Variants in USP34 observed in about 807,000 individuals in gnomAD.
USP34 encodes ubiquitin carboxyl-terminal hydrolase 34.
In USP34, 70 loss-of-function variants were observed where a neutral mutation model predicts 460.3. The ratio of observed to expected loss-of-function variants is 0.15; its 90% CI spans 0.13 to 0.19. The LOEUF (loss-of-function observed/expected upper bound fraction) is 0.19. Among genes scored for constraint, USP34 ranks in the 10% least tolerant of loss-of-function variants. The probability of loss-of-function intolerance (pLI) is 1.00; values close to 1 mark genes in which losing one functional copy is unlikely to be tolerated. For synonymous variants in USP34, 1,647 were observed against 1,405.3 expected (o/e 1.17, Z -3.85); for missense variants, 3,985 against 4,236.2 (o/e 0.94, Z 1.65).
chr2:61,452,905 CAAAA>C (rs57925421), intron 1 of USP34, among the ~76,000 whole-genome samples: 1 of 127,134 alleles, frequency 7.9e-6, no homozygotes, highest in Non-Finnish European at 1.7e-5. Context: ...ACCCCACAAC[CAAAA>C]AAAAAAAAAA....
chr2:61,447,254 CAAAAAAAAAAAAAAA>C (rs763711140), intron 1 of USP34, among the ~76,000 whole-genome samples: 9 of 59,674 alleles, frequency 1.5e-4, no homozygotes, highest in East Asian at 7.7e-4. Flanking sequence ...AACTGTCTTC[CAAAAAAAAAAAAAAA>C]AAAAAAAAAA....
intron 41 of USP34, among the ~76,000 whole-genome samples, chr2:61,272,437 A>T (rs374701434): frequency 1.3e-5 from 2 of 150,324 alleles, no homozygotes; most frequent in African/African-American, 4.9e-5. Context: ...AAAAATTAGG[A>T]GTCATTCTTT....
chr2:61,251,170 T>C (rs1169206539), intron 48 of USP34, among the ~76,000 whole-genome samples: 1 of 151,946 alleles, frequency 6.6e-6, no homozygotes, highest in East Asian at 1.9e-4. Flanking sequence ...AGTAAATAAA[T>C]AAACGAATCT....
chr2:61,210,863 G>A (rs1026390862), intron 69 of USP34, among the ~76,000 whole-genome samples: 36 of 151,954 alleles, frequency 2.4e-4, no homozygotes, highest in African/African-American at 8.7e-4. Flanking sequence ...GGTGCATGCC[G>A]TCACACCCTA....
At chr2:61,351,384 T>C (rs993051560) in intron 10 of USP34, among the ~76,000 whole-genome samples, 1 of 152,154 alleles carries the variant, frequency 6.6e-6, no homozygotes, top group African/African-American at 2.4e-5. Flanking sequence ...AAGACTTCTT[T>C]GTTATAATAA....
intron 41 of USP34, among the ~76,000 whole-genome samples, chr2:61,266,708 C>T (rs1043218954): frequency 6.6e-6 from 1 of 152,208 alleles, no homozygotes; most frequent in African/African-American, 2.4e-5. Context: ...CACCCTCACA[C>T]ATCCCAAATA....
At position 61,405,768 on chromosome 2, in the gene USP34, A is replaced by C. The variant is rs1314021542; in HGVS notation, c.492T>G (p.Ile164Met). ...KEKLLLCVAK[I>M]FQIQFPLYTA... ...TATATAAGGGAAACTGAATTTGAAA[A>C]ATTTTTGCCACACATAGTAAGAGTT... Residue 164 changes from isoleucine to methionine, a missense_variant, in exon 3 of 80, where the codon ATT becomes ATG. Transcript: ENST00000398571. 1 of 1,601,840 alleles carries C rather than the reference A, an allele frequency of 6.2e-7. No individual in the cohort carries two copies. Among genetic ancestry groups the C allele is most frequent in the Non-Finnish European group, 8.5e-7 (1 of 1,176,550 alleles).
intron 5 of USP34, among the ~76,000 whole-genome samples, chr2:61,384,251 A>G (rs2103872681): frequency 6.6e-6 from 1 of 152,354 alleles, no homozygotes; most frequent in Non-Finnish European, 1.5e-5. Flanking sequence ...TTTAACATTT[A>G]TAAATCAAAT....
chr2:61,410,765 T>C (rs976933960), intron 2 of USP34, among the ~76,000 whole-genome samples: 11 of 152,076 alleles, frequency 7.2e-5, no homozygotes, highest in Non-Finnish European at 1.5e-4. Flanking sequence ...CAACATATTT[T>C]GAGTGACAGA....
chr2:61,341,896 G>A (rs1691614227), intron 16 of USP34, among the ~76,000 whole-genome samples: 1 of 151,086 alleles, frequency 6.6e-6, no homozygotes, highest in African/African-American at 2.4e-5. Flanking sequence ...CCGAGTAGCT[G>A]GGACGACAGG....
chr2:61,236,546 T>C (rs1439649308), intron 53 of USP34, among the ~76,000 whole-genome samples, 157 bp from the exon 54 acceptor site: 1 of 152,156 alleles, frequency 6.6e-6, no homozygotes, highest in Non-Finnish European at 1.5e-5. Flanking sequence ...AGTATATTCA[T>C]ATAAATGGTT....
rs1232973598 is a variant in USP34, at chr2:61,196,247, ATTT to A, written c.9509-3270_9509-3268del. On this transcript the variant is annotated intron_variant, in intron 75 of 79. Transcript: ENST00000398571. ...AGGTGCCCGCCACCATGCCTGGCTA[ATTT>A]TTTTTTTTTTTTTGTATTTTTAGTA... is the stretch of plus-strand genomic sequence containing the variant. Among the ~76,000 whole-genome samples, 12 of 136,150 alleles carry A rather than the reference ATTT, an allele frequency of 8.8e-5. No homozygotes were observed. In the East Asian group the frequency reaches 2.5e-3, roughly 29 times the overall value. The allele number at this position is 136,150 out of a possible 152,430, so 89.3% of individuals were successfully genotyped here.
chr2:61,447,802 G>A (rs1695162220), intron 1 of USP34, among the ~76,000 whole-genome samples: 1 of 152,072 alleles, frequency 6.6e-6, no homozygotes, highest in Admixed American at 6.6e-5. Flanking sequence ...TGCAACCTCC[G>A]CCTACTGGGA....
rs1259193572 is a variant in USP34 at position 61,255,295 on chromosome 2, C to T, written c.6221+1089G>A. Among the ~76,000 whole-genome samples the T allele has an allele frequency of 4.6e-5, 7 of 152,174 alleles. No homozygotes were observed. The East Asian group carries it at 1.2e-3, about 25-fold the overall frequency. The stretch of plus-strand genomic sequence containing the variant: ...GCTTGAATGTATTATAGTATAAACA[C>T]TTATTTAACACTCTAACTCAACAGT... On this transcript the variant is annotated intron_variant, in intron 48 of 79. Coordinates refer to ENST00000398571, the MANE Select transcript of USP34 (RefSeq NM_014709.4).
intron 57 of USP34, among the ~76,000 whole-genome samples, chr2:61,234,419 C>T (rs1336512819): frequency 6.6e-6 from 1 of 152,138 alleles, no homozygotes; most frequent in Non-Finnish European, 1.5e-5. Flanking sequence ...CTTAGGGATG[C>T]ACCTCTTAAA....
chr2:61,196,069 A>AGTTTTTTT (rs1686795624), intron 75 of USP34, among the ~76,000 whole-genome samples: 1 of 41,576 alleles, frequency 2.4e-5, no homozygotes, highest in Non-Finnish European at 4.0e-5. Context: ...ACCATGCACG[A>AGTTTTTTT]TTTTTTTTTT....
chr2:61,394,649 C>T (rs72813597), intron 5 of USP34, among the ~76,000 whole-genome samples: 1,871 of 151,718 alleles, frequency 0.012, 41 homozygotes, highest in Non-Finnish European at 0.012. Context: ...CCCCTTTTAG[C>T]TTTAAAACAG....
chr2:61,193,159 T>C (rs1441347203), intron 75 of USP34, 179 bp from the exon 76 acceptor site: 4 of 546,174 alleles, frequency 7.3e-6, no homozygotes, highest in Non-Finnish European at 1.3e-5. Flanking sequence ...TAGAATGTGG[T>C]ACTTTGAATT....
chr2:61,440,410 T>C (rs904745339), intron 1 of USP34, among the ~76,000 whole-genome samples: 1 of 152,126 alleles, frequency 6.6e-6, no homozygotes, highest in African/African-American at 2.4e-5. Context: ...CTGCAAACAG[T>C]GATTGCGGCT....
Sources: gnomAD v4.1 joint callset for allele counts (sites outside exome capture counted in the v4.1 genomes callset) on GRCh38, gnomAD v4.1.1 for gene constraint, MANE v1.5 for transcripts, NCBI Gene and HGNC (gene_info 2026-07-23, HGNC 2026-07-21) for gene names.